Variants in TSNARE1 observed in about 807,000 individuals in gnomAD.
The protein encoded by TSNARE1 is t-SNARE domain-containing protein 1.
TSNARE1 carries 49 observed loss-of-function variants against 62.0 expected under a neutral mutation model. The observed-to-expected ratio is 0.79, with a 90% CI of 0.63 to 1.00. TSNARE1 has a LOEUF of 1.00. TSNARE1 is among the 50% of genes least tolerant of loss of function. The pLI, the probability that TSNARE1 is intolerant of heterozygous loss-of-function variation, is 0.00. For synonymous variants in TSNARE1, 328 were observed against 294.4 expected, an observed-to-expected ratio of 1.11 and a Z score of -1.17; for missense variants, 755 against 700.1, an observed-to-expected ratio of 1.08 and a Z score of -0.88.
In TSNARE1 at chr8:142,328,818, T is replaced by TG. The variant is rs766646951; in HGVS notation, c.893+2082dup. 3.5e-3 allele frequency among the ~76,000 whole-genome samples: 204 copies of TG among 58,312 alleles called. 3 individuals carry two copies. Among genetic ancestry groups the TG allele is most frequent in the Middle Eastern group, 0.022 (3 of 134 alleles). 38.3% of individuals were successfully genotyped at this position (58,312 alleles called of 152,430 possible). ...TGGGGGTCTGTGACAGGGAGGCCTT[T>TG]GGGGGGGGGGAGGGTTCCGCACACA... On this transcript the variant is annotated intron_variant, in intron 6 of 13. Coordinates refer to ENST00000524325, the MANE Select transcript of TSNARE1 (RefSeq NM_145003.5).
At chr8:142,236,276 C>T (rs1371847493) in intron 12 of TSNARE1, among the ~76,000 whole-genome samples, 1 of 151,844 alleles carries the variant, frequency 6.6e-6, no homozygotes, top group Non-Finnish European at 1.5e-5. Flanking sequence ...ATACATGCCA[C>T]GGGTTCAGGG....
At chr8:142,304,365 CGGCT>C (rs1826308090) in intron 9 of TSNARE1, among the ~76,000 whole-genome samples, 1 of 152,210 alleles carries the variant, frequency 6.6e-6, no homozygotes, top group African/African-American at 2.4e-5. Context: ...GCAGTGGTGC[CGGCT>C]GTGAGGCCCC....
chr8:142,213,946 C>G (rs1334163695), intron 13 of TSNARE1, among the ~76,000 whole-genome samples: 1 of 152,130 alleles, frequency 6.6e-6, no homozygotes. Flanking sequence ...CTGTGGGGCT[C>G]CCCATCAGAG....
chr8:142,321,679 T>G (rs1231378870), intron 6 of TSNARE1, among the ~76,000 whole-genome samples: 1 of 152,074 alleles, frequency 6.6e-6, no homozygotes, highest in African/African-American at 2.4e-5. Flanking sequence ...ACAAATCATA[T>G]CAGGCCCATA....
Position 142,223,055 on chromosome 8 carries a change from C to CTCACTCACTCATTCACTCACTCAT in TSNARE1, c.*11+6417_*11+6418insATGAGTGAGTGAATGAGTGAGTGA, listed in dbSNP as rs1471888311. ...ACTCATTCACTCACTCACTCATTCACTCATTCACTTACTCGCTCATACTCA... is the reference window on the plus strand; with the variant it reads ...ACTCATTCACTCACTCACTCATTCACTCACTCACTCATTCACTCACTCATTCATTCACTTACTCGCTCATACTCA... On this transcript the variant is annotated intron_variant, in intron 13 of 13. Coordinates refer to ENST00000524325, the MANE Select transcript of TSNARE1 (RefSeq NM_145003.5). 1.0e-4 allele frequency among the ~76,000 whole-genome samples: 15 copies of CTCACTCACTCATTCACTCACTCAT among 150,604 alleles called. 1 individual carries two copies. The highest frequency in any genetic ancestry group is 1.9e-4 in the Non-Finnish European group (13 of 67,680).
At chr8:142,249,270 C>T (rs532906734) in intron 12 of TSNARE1, among the ~76,000 whole-genome samples, 202 of 152,330 alleles carry the variant, frequency 1.3e-3, no homozygotes, top group Non-Finnish European at 2.4e-3. Context: ...CAGGCCTGTG[C>T]CAGGCGGCTT....
At chr8:142,382,131 T>A (rs982354255) in intron 1 of TSNARE1, among the ~76,000 whole-genome samples, 1 of 152,090 alleles carries the variant, frequency 6.6e-6, no homozygotes, top group East Asian at 1.9e-4. Context: ...GGCATCCGAG[T>A]GGCATGTGTG....
At chr8:142,366,314 A>AAGC (rs1563990468) in intron 1 of TSNARE1, among the ~76,000 whole-genome samples, 1 of 152,196 alleles carries the variant, frequency 6.6e-6, no homozygotes, top group Non-Finnish European at 1.5e-5. Flanking sequence ...TGCTTTTATG[A>AAGC]AGCATGTATA....
chr8:142,354,514 C>A, intron 2 of TSNARE1, 123 bp downstream of exon 2: 1 of 682,136 alleles, frequency 1.5e-6, no homozygotes, highest in Non-Finnish European at 2.5e-6. Context: ...CATCTCAGGA[C>A]ACAGGCCACT....
At position 142,319,100 on chromosome 8, in the gene TSNARE1, C is replaced by T. The variant is rs1829074779; in HGVS notation, c.894-466G>A. ...GCTCTGGCTGGGGTGGGTGGCCCAG[C>T]CAGAACAGTGGCAGCCGGGCCCCAC... On this transcript the variant is annotated intron_variant, in intron 6 of 13. Transcript: ENST00000524325. This position sits in a 1 kb window ranked among gnomAD's most constrained non-coding sequence, Gnocchi z 4.9. Among the ~76,000 whole-genome samples the T allele has an allele frequency of 6.6e-6, 1 of 151,960 alleles. No individual in the cohort carries two copies. Among genetic ancestry groups the T allele is most frequent in the Non-Finnish European group, 1.5e-5 (1 of 67,976 alleles).
At chr8:142,286,641 T>G (rs1409116311) in intron 10 of TSNARE1, among the ~76,000 whole-genome samples, 7 of 152,194 alleles carry the variant, frequency 4.6e-5, no homozygotes, top group Non-Finnish European at 1.5e-5. Context: ...CACCACCTTC[T>G]GCCAGAGTGA....
chr8:142,313,834 C>T (rs973283905), intron 9 of TSNARE1, among the ~76,000 whole-genome samples: 1 of 152,166 alleles, frequency 6.6e-6, no homozygotes, highest in Non-Finnish European at 1.5e-5. Flanking sequence ...AATGCAGTGG[C>T]GTGATCTCGG....
chr8:142,248,962 G>A (rs555238845), intron 12 of TSNARE1, among the ~76,000 whole-genome samples: 1 of 152,354 alleles, frequency 6.6e-6, no homozygotes, highest in South Asian at 2.1e-4. Flanking sequence ...CTTCTAGAAG[G>A]GCCACGCCTT....
intron 11 of TSNARE1, chr8:142,275,736 C>G: frequency 1.0e-6 from 1 of 985,468 alleles, no homozygotes; most frequent in Non-Finnish European, 1.2e-6. Flanking sequence ...TCTAAACAAA[C>G]TGTGCACCTG....
intron 1 of TSNARE1, among the ~76,000 whole-genome samples, chr8:142,394,500 C>A (rs1371339128): frequency 6.6e-6 from 1 of 152,146 alleles, no homozygotes; most frequent in Admixed American, 6.5e-5. Context: ...AAGACTAGAA[C>A]CTCCGGGGTT....
At chr8:142,324,832 G>C (rs763566120) in intron 6 of TSNARE1, among the ~76,000 whole-genome samples, 14 of 152,238 alleles carry the variant, frequency 9.2e-5, no homozygotes, top group Non-Finnish European at 1.9e-4. Context: ...CTCCAGACTC[G>C]AGTGGTTAAT....
intron 9 of TSNARE1, among the ~76,000 whole-genome samples, chr8:142,314,107 T>A (rs1350083381): frequency 6.6e-6 from 1 of 152,186 alleles, no homozygotes. Context: ...TCACCCAGGT[T>A]TCACAGTGGC....
intron 2 of TSNARE1, 110 bp from the exon 3 acceptor site, chr8:142,346,002 A>C: frequency 7.5e-7 from 1 of 1,330,964 alleles, no homozygotes; most frequent in Non-Finnish European, 1.0e-6. Context: ...TGCTCCACTC[A>C]GGGCTCCTCC....
At position 142,319,906 on chromosome 8, in the gene TSNARE1, G is replaced by A. The variant is rs1053815016; in HGVS notation, c.894-1272C>T. Among the ~76,000 whole-genome samples the A allele has an allele frequency of 6.6e-6, 1 of 152,176 alleles. No homozygotes were observed. Among genetic ancestry groups the A allele is most frequent in the Non-Finnish European group, 1.5e-5 (1 of 68,010 alleles). On this transcript the variant is annotated intron_variant, in intron 6 of 13. Transcript: ENST00000524325. This position sits in a 1 kb window ranked among gnomAD's most constrained non-coding sequence, Gnocchi z 4.9. Reference sequence around the variant, plus strand: ...GCGGGGACAGGAGCTTTCTTCCCCGGGGCCTTGGTCAGGGCCGCCTCCTCC... The same window carrying A: ...GCGGGGACAGGAGCTTTCTTCCCCGAGGCCTTGGTCAGGGCCGCCTCCTCC...
Sources: gnomAD v4.1 joint callset for allele counts (sites outside exome capture counted in the v4.1 genomes callset) on GRCh38, gnomAD v4.1.1 for gene constraint, Gnocchi (gnomAD v3.1) non-coding constraint, MANE v1.5 for transcripts, NCBI Gene and HGNC (gene_info 2026-07-23, HGNC 2026-07-21) for gene names.